FAM227A: variants seen among roughly 807,000 people sequenced by gnomAD.
FAM227A encodes the protein protein FAM227A.
A neutral mutation model predicts 74.7 loss-of-function variants in FAM227A; 80 were observed. That is an observed-to-expected ratio of 1.07 (90% CI 0.89 to 1.29). The LOEUF (loss-of-function observed/expected upper bound fraction) is 1.29. Ranked by LOEUF, FAM227A falls within the 50% of genes most tolerant of loss-of-function variation. FAM227A has a pLI of 0.00. For synonymous variants in FAM227A, 237 were observed against 241.8 expected, an observed-to-expected ratio of 0.98 and a Z score of 0.19; for missense variants, 654 against 683.4, an observed-to-expected ratio of 0.96 and a Z score of 0.48.
intron 14 of FAM227A, among the ~76,000 whole-genome samples, chr22:38,599,205 G>A (rs1382922802): frequency 1.3e-5 from 2 of 151,918 alleles, no homozygotes; most frequent in African/African-American, 2.4e-5. Flanking sequence ...CAGATGATCC[G>A]CTCATCTCGG....
chr22:38,642,444 C>A (rs903205313), intron 3 of FAM227A, among the ~76,000 whole-genome samples: 5 of 152,158 alleles, frequency 3.3e-5, no homozygotes, highest in Non-Finnish European at 5.9e-5. Context: ...GAGGAGAACA[C>A]CTAGGTGACC....
chr22:38,625,266 A>G (rs2091772261), intron 9 of FAM227A, among the ~76,000 whole-genome samples: 1 of 151,796 alleles, frequency 6.6e-6, no homozygotes, highest in Non-Finnish European at 1.5e-5. Context: ...GTGGGCACCT[A>G]TAGTCCCAGC....
At chr22:38,612,827 T>G (rs775102197) in intron 11 of FAM227A, among the ~76,000 whole-genome samples, 1 of 151,404 alleles carries the variant, frequency 6.6e-6, no homozygotes, top group African/African-American at 2.4e-5. Context: ...AGAGGCAGTA[T>G]GGTTTGGCCA....
rs2090793317 is a variant in FAM227A at position 38,585,778 on chromosome 22, G to T, written c.*347C>A. 3 of 381,068 alleles carry T rather than the reference G, an allele frequency of 7.9e-6. No individual in the cohort carries two copies. Among genetic ancestry groups the T allele is most frequent in the Admixed American group, 7.9e-5 (2 of 25,304 alleles). The allele number at this position is 381,068 out of a possible 1,614,324, so 23.6% of individuals were successfully genotyped here. The stretch of plus-strand genomic sequence containing the variant: ...ACTTCGGAAACCTTTCTAAACCTGG[G>T]CTTGCTGCTGCGTAAAATGCAGTGG... On this transcript the variant is annotated 3_prime_UTR_variant, in exon 17 of 17. Transcript: ENST00000535113.
intron 6 of FAM227A, among the ~76,000 whole-genome samples, chr22:38,631,974 A>G (rs2091923040): frequency 6.6e-6 from 1 of 152,166 alleles, no homozygotes; most frequent in African/African-American, 2.4e-5. Context: ...GAGGAGACAC[A>G]GGAAAGACGG....
chr22:38,607,511 A>G (rs907062985), intron 11 of FAM227A, 35 bp from the exon 12 acceptor site: 78 of 1,359,250 alleles, frequency 5.7e-5, no homozygotes, highest in Non-Finnish European at 7.0e-5. Flanking sequence ...AGAGGGAGAA[A>G]GCGAGAGAGA....
intron 2 of FAM227A, 29 bp from the exon 3 acceptor site, chr22:38,645,674 A>C: frequency 9.6e-6 from 14 of 1,458,388 alleles, no homozygotes; most frequent in Middle Eastern, 1.7e-4. Flanking sequence ...AAGGAAACTC[A>C]GGGTGATGAT....
chr22:38,617,388 C>T (rs749273147), intron 11 of FAM227A, among the ~76,000 whole-genome samples: 6 of 151,508 alleles, frequency 4.0e-5, no homozygotes, highest in African/African-American at 7.3e-5. Flanking sequence ...CTCCGCCTCC[C>T]GGGTTAAAGC....
chr22:38,612,852 A>T (rs2091445106), intron 11 of FAM227A, among the ~76,000 whole-genome samples: 2 of 151,088 alleles, frequency 1.3e-5, no homozygotes, highest in African/African-American at 4.9e-5. Flanking sequence ...TCTTGGCAGC[A>T]TGGCCTCTGA....
At chr22:38,632,505 T>C (rs73157160) in intron 6 of FAM227A, among the ~76,000 whole-genome samples, 2,910 of 152,266 alleles carry the variant, frequency 0.019, 63 homozygotes, top group Non-Finnish European at 0.031. Context: ...ATCTTGAACC[T>C]GCCAGCCTCC....
chr22:38,652,701 A>T (rs2092340556), intron 1 of FAM227A, among the ~76,000 whole-genome samples: 1 of 150,318 alleles, frequency 6.7e-6, no homozygotes, highest in African/African-American at 2.5e-5. Flanking sequence ...TCTGGCTAAC[A>T]TGGTGAAACT....
chr22:38,614,022 C>T (rs60748100), intron 11 of FAM227A, among the ~76,000 whole-genome samples: 8,607 of 152,212 alleles, frequency 0.057, 490 homozygotes, highest in African/African-American at 0.14. Context: ...CATGGCACCA[C>T]GCCCATCTAA....
At chr22:38,610,365 G>C (rs2091386093) in intron 11 of FAM227A, among the ~76,000 whole-genome samples, 5 of 152,136 alleles carry the variant, frequency 3.3e-5, no homozygotes, top group African/African-American at 7.2e-5. Flanking sequence ...AGAGAGTTCT[G>C]CGGTGGAGCA....
chr22:38,607,602 G>A, intron 11 of FAM227A, 126 bp from the exon 12 acceptor site: 1 of 711,918 alleles, frequency 1.4e-6, no homozygotes, highest in Admixed American at 2.3e-5. Flanking sequence ...ACTGTTCTCA[G>A]CAAAGGAACA....
intron 1 of FAM227A, 125 bp from the exon 2 acceptor site, chr22:38,650,387 G>T: frequency 1.9e-6 from 1 of 537,246 alleles, no homozygotes; most frequent in Non-Finnish European, 3.3e-6. Flanking sequence ...GAATGAAAGG[G>T]TTCCGTCTGA....
intron 10 of FAM227A, among the ~76,000 whole-genome samples, chr22:38,621,749 C>CCG (rs764692380): frequency 3.9e-5 from 6 of 152,202 alleles, no homozygotes; most frequent in Admixed American, 6.5e-5. Context: ...GCTTCTAGAT[C>CCG]ACTGGAAGTC....
At chr22:38,620,585 C>T (rs1023679641) in intron 10 of FAM227A, among the ~76,000 whole-genome samples, 6 of 151,846 alleles carry the variant, frequency 4.0e-5, no homozygotes, top group Non-Finnish European at 7.4e-5. Context: ...GGGCGGATCA[C>T]GAGGTCAGGA....
At chr22:38,646,482 T>C (rs1040974865) in intron 2 of FAM227A, among the ~76,000 whole-genome samples, 8 of 150,526 alleles carry the variant, frequency 5.3e-5, no homozygotes, top group African/African-American at 2.0e-4. Flanking sequence ...TGGGATGGTC[T>C]CGATCTCCTG....
At chr22:38,588,647 G>A (rs1368578525) in intron 16 of FAM227A, among the ~76,000 whole-genome samples, 8 of 148,246 alleles carry the variant, frequency 5.4e-5, no homozygotes, top group African/African-American at 2.0e-4. Flanking sequence ...AAAATGCTGG[G>A]CGCAGTGGCT....
Sources: gnomAD v4.1 joint callset for allele counts (sites outside exome capture counted in the v4.1 genomes callset) on GRCh38, gnomAD v4.1.1 for gene constraint, MANE v1.5 for transcripts, NCBI Gene and HGNC (gene_info 2026-07-23, HGNC 2026-07-21) for gene names.